The following SLC38A8 variants were observed in gnomAD, a reference collection of about 807,000 sequenced individuals.
The protein encoded by SLC38A8 is solute carrier family 38 member 8.
A neutral mutation model predicts 46.0 loss-of-function variants in SLC38A8; 65 were observed. That is an observed-to-expected ratio of 1.41 (90% CI 1.16 to 1.74). The LOEUF is 1.74. Among genes scored for constraint, SLC38A8 ranks in the 40% most tolerant of loss-of-function variants. SLC38A8 has a pLI of 0.00. For synonymous variants in SLC38A8, 447 were observed against 243.7 expected, an observed-to-expected ratio of 1.83 and a Z score of -7.77; for missense variants, 998 against 567.9, an observed-to-expected ratio of 1.76 and a Z score of -7.70.
chr16:84,024,814 C>CAA (rs2085142558), intron 6 of SLC38A8, among the ~76,000 whole-genome samples: 3 of 152,156 alleles, frequency 2.0e-5, no homozygotes, highest in Admixed American at 2.0e-4. Context: ...CTCAGCCTTC[C>CAA]GAGTAGCTGG....
At chr16:84,012,974 G>T (rs763652400) in intron 10 of SLC38A8, 27 bp downstream of exon 10, 12 of 1,613,276 alleles carry the variant, frequency 7.4e-6, no homozygotes, top group Non-Finnish European at 1.0e-5. Context: ...CACACCCAGG[G>T]TGCCACCTCA....
At position 84,010,764 on chromosome 16, in the gene SLC38A8, A is replaced by G. The variant is rs531853810; in HGVS notation, c.1215-887T>C. ...ATCTCAAAAAGAGAAAAAGACATGG[A>G]GAGAAGGGAGACACTACTTTGAAAA... is the stretch of plus-strand genomic sequence containing the variant. On this transcript the variant is annotated intron_variant, in intron 10 of 10. Coordinates refer to ENST00000299709, the MANE Select transcript of SLC38A8 (RefSeq NM_001080442.3). Among the ~76,000 whole-genome samples the G allele has an allele frequency of 5.3e-5, 8 of 152,214 alleles. No homozygotes were observed. In the East Asian group the frequency reaches 1.4e-3, roughly 26 times the overall value.
chr16:84,015,521 T>G (rs1010835667), intron 9 of SLC38A8, among the ~76,000 whole-genome samples: 1 of 152,060 alleles, frequency 6.6e-6, no homozygotes, highest in Non-Finnish European at 1.5e-5. Context: ...AGCGGTAGCA[T>G]GGACAGAGCT....
chr16:84,021,139 T>C (rs1165763065), intron 7 of SLC38A8, among the ~76,000 whole-genome samples: 1 of 152,160 alleles, frequency 6.6e-6, no homozygotes, highest in African/African-American at 2.4e-5. Flanking sequence ...CTCAGCTCAC[T>C]GCAACCTCCA....
At chr16:84,026,636 C>G (rs1008000671) in intron 6 of SLC38A8, among the ~76,000 whole-genome samples, 2 of 152,200 alleles carry the variant, frequency 1.3e-5, no homozygotes, top group African/African-American at 2.4e-5. Flanking sequence ...AGGAAGACGA[C>G]ACAGTGGCCA....
intron 10 of SLC38A8, 146 bp from the exon 11 acceptor site, chr16:84,010,023 T>G: frequency 1.8e-6 from 1 of 565,966 alleles, no homozygotes; most frequent in Non-Finnish European, 2.9e-6. Flanking sequence ...CAGTTACCTG[T>G]AGGGATGGGT....
rs1047398254 is a variant in SLC38A8, at chr16:84,032,502, G to A, written c.531-534C>T. On this transcript the variant is annotated intron_variant, in intron 4 of 10. Transcript: ENST00000299709. Reference sequence around the variant, plus strand: ...GCCCAAATGTGTAGAATTCTTAATGGCACCCGGCGCCCTTCGGGATGGCAG... The same window carrying A: ...GCCCAAATGTGTAGAATTCTTAATGACACCCGGCGCCCTTCGGGATGGCAG... 1.5e-4 allele frequency among the ~76,000 whole-genome samples: 23 copies of A among 152,148 alleles called. 1 individual carries two copies. Among genetic ancestry groups the A allele is most frequent in the Admixed American group, 2.0e-4 (3 of 15,272 alleles).
chr16:84,026,209 C>T (rs59575112), intron 6 of SLC38A8, among the ~76,000 whole-genome samples: 16,969 of 151,468 alleles, frequency 0.11, 1,221 homozygotes, highest in Middle Eastern at 0.22. Context: ...TGTTTGACTC[C>T]GCAGTTGGGT....
At chr16:84,024,354 T>G (rs1313962429) in intron 6 of SLC38A8, among the ~76,000 whole-genome samples, 1 of 152,190 alleles carries the variant, frequency 6.6e-6, no homozygotes, top group East Asian at 1.9e-4. Flanking sequence ...TAAGCATTTT[T>G]TTTTGGTAGA....
At position 84,037,282 on chromosome 16, in the gene SLC38A8, C is replaced by T. The variant is rs184636717; in HGVS notation, c.190-382G>A. Among the ~76,000 whole-genome samples the T allele has an allele frequency of 2.4e-3, 367 of 152,316 alleles. 1 individual carries two copies. The highest frequency in any genetic ancestry group is 8.4e-3 in the African/African-American group (351 of 41,574). On this transcript the variant is annotated intron_variant, in intron 2 of 10. Coordinates refer to ENST00000299709, the MANE Select transcript of SLC38A8 (RefSeq NM_001080442.3). ...TGGTGGCTTGGAACCCGAGGTGGAGCGGGCACAGCCGGGCTCAGGTTCTAA... is the reference window on the plus strand; with the variant it reads ...TGGTGGCTTGGAACCCGAGGTGGAGTGGGCACAGCCGGGCTCAGGTTCTAA...
chr16:84,036,292 C>T lies in SLC38A8; in HGVS notation c.388+410G>A, dbSNP rs114688439. On this transcript the variant is annotated intron_variant, in intron 3 of 10. Transcript: ENST00000299709. ...ACATATGAAAATTGGCAAGATGCAGCTAAAGCAGTGCTTAGAGGGAAAGTC... is the reference window on the plus strand; with the variant it reads ...ACATATGAAAATTGGCAAGATGCAGTTAAAGCAGTGCTTAGAGGGAAAGTC... 3.7e-3 allele frequency among the ~76,000 whole-genome samples: 562 copies of T among 152,352 alleles called. 7 individuals are homozygous for T. Among genetic ancestry groups the T allele is most frequent in the African/African-American group, 0.013 (556 of 41,580 alleles).
chr16:84,019,291 C>T (rs1028101267), intron 7 of SLC38A8, among the ~76,000 whole-genome samples: 1 of 151,978 alleles, frequency 6.6e-6, no homozygotes, highest in African/African-American at 2.4e-5. Context: ...AGCCAGGATG[C>T]TCTCGATCTC....
At chr16:84,022,913 C>G (rs755055396) in intron 6 of SLC38A8, 24 bp from the exon 7 acceptor site, 10 of 1,532,804 alleles carry the variant, frequency 6.5e-6, no homozygotes, top group Non-Finnish European at 8.8e-6. Flanking sequence ...GGCGGCTCAG[C>G]AGGATGCTGG....
At chr16:84,031,845 G>A (rs1230197607) in intron 5 of SLC38A8, 22 bp downstream of exon 5, 3 of 1,609,380 alleles carry the variant, frequency 1.9e-6, no homozygotes, top group Non-Finnish European at 1.7e-6. Flanking sequence ...GAGGCTGCCG[G>A]AAGCTGTTCC....
At chr16:84,010,896 C>G (rs1192518849) in intron 10 of SLC38A8, among the ~76,000 whole-genome samples, 1 of 152,024 alleles carries the variant, frequency 6.6e-6, no homozygotes, top group Non-Finnish European at 1.5e-5. Flanking sequence ...GGGTAGGGGA[C>G]GAGGACGCAG....
upstream of SLC38A8, among the ~76,000 whole-genome samples, chr16:84,043,039 CCT>C (rs541172976): frequency 2.2e-4 from 33 of 152,278 alleles, no homozygotes; most frequent in South Asian, 2.1e-3. Context: ...TGAAAAGTGC[CCT>C]GAGCCCAGCC....
chr16:84,016,670 G>T lies in SLC38A8; in HGVS notation c.1011C>A (p.Ala337=). The T allele has an allele frequency of 1.2e-6, 2 of 1,613,610 alleles. No homozygotes were observed. The highest frequency in any genetic ancestry group is 1.7e-6 in the Non-Finnish European group (2 of 1,180,014). ...RSCLGGWGPS[A]LADPSGLWVR... ...CCCACAGCCCTGAGGGGTCGGCCAG[G>T]GCGCTGGGCCCCCATCCCCCCAAGC... The change falls in exon 9 of 11, where the codon GCC becomes GCA. Residue 337 remains alanine, a synonymous_variant. Coordinates refer to ENST00000299709, the MANE Select transcript of SLC38A8 (RefSeq NM_001080442.3).
At chr16:84,032,605 C>G (rs113133390) in intron 4 of SLC38A8, among the ~76,000 whole-genome samples, 1 of 152,246 alleles carries the variant, frequency 6.6e-6, no homozygotes, top group Non-Finnish European at 1.5e-5. Flanking sequence ...CGCCAGCAGG[C>G]TCGCTCACAC....
chr16:84,022,297 T>C (rs1010961678), intron 7 of SLC38A8, among the ~76,000 whole-genome samples: 1 of 152,212 alleles, frequency 6.6e-6, no homozygotes, highest in African/African-American at 2.4e-5. Context: ...CACTGTACGA[T>C]CCTGCGTGTC....
Sources: gnomAD v4.1 joint callset for allele counts (sites outside exome capture counted in the v4.1 genomes callset) on GRCh38, gnomAD v4.1.1 for gene constraint, MANE v1.5 for transcripts, NCBI Gene and HGNC (gene_info 2026-07-23, HGNC 2026-07-21) for gene names.